The following CNBD1 variants were observed in gnomAD, a reference collection of about 807,000 sequenced individuals.
CNBD1 encodes cyclic nucleotide-binding domain-containing protein 1.
A neutral mutation model predicts 54.4 loss-of-function variants in CNBD1; 71 were observed. The ratio of observed to expected loss-of-function variants is 1.30; its 90% confidence interval spans 1.08 to 1.59. CNBD1 has a LOEUF of 1.59. Among genes scored for constraint, CNBD1 ranks in the 40% most tolerant of loss-of-function variants. CNBD1 has a pLI of 0.00. For missense variants in CNBD1, 659 were observed against 518.0 expected (o/e 1.27, Z -2.64); for synonymous variants, 182 against 170.7 (o/e 1.07, Z -0.51).
intron 4 of CNBD1, among the ~76,000 whole-genome samples, chr8:87,178,958 A>C (rs1813254785): frequency 6.6e-6 from 1 of 152,172 alleles, no homozygotes; most frequent in Admixed American, 6.5e-5. Context: ...CCCAGGCTGG[A>C]GTGCAATGAC....
At chr8:87,347,793 G>A (rs1226839564) in intron 8 of CNBD1, among the ~76,000 whole-genome samples, 2 of 152,088 alleles carry the variant, frequency 1.3e-5, no homozygotes, top group South Asian at 2.1e-4. Context: ...GGGGAGAAAG[G>A]GGTAAATGTG....
At chr8:87,316,634 A>G (rs970923799) in intron 8 of CNBD1, among the ~76,000 whole-genome samples, 5 of 151,910 alleles carry the variant, frequency 3.3e-5, no homozygotes, top group East Asian at 1.9e-4. Context: ...TTTTTTTGCA[A>G]TAGGAAACAA....
At chr8:87,392,015 T>G (rs1811319196) in intron 2 of CNBD1, among the ~76,000 whole-genome samples, 2 of 152,070 alleles carry the variant, frequency 1.3e-5, no homozygotes, top group Admixed American at 1.3e-4. Context: ...GGAATGGGCC[T>G]TTCTCTAAAG....
At chr8:87,059,894 G>T (rs1398445923) in intron 4 of CNBD1, among the ~76,000 whole-genome samples, 2 of 152,222 alleles carry the variant, frequency 1.3e-5, no homozygotes, top group Non-Finnish European at 2.9e-5. Context: ...GGTACCCCTT[G>T]TCCTGATCTC....
chr8:87,014,836 A>G (rs1809319570), intron 4 of CNBD1, among the ~76,000 whole-genome samples: 1 of 152,006 alleles, frequency 6.6e-6, no homozygotes, highest in South Asian at 2.1e-4. Context: ...AAGAAAGTTA[A>G]AGATGTAGAA....
intron 2 of CNBD1, among the ~76,000 whole-genome samples, chr8:87,424,098 T>A (rs969014880): frequency 6.6e-6 from 1 of 152,216 alleles, no homozygotes; most frequent in Non-Finnish European, 1.5e-5. Context: ...TGGTAGTTTG[T>A]ATTTCTGTGG....
chr8:87,247,374 C>T (rs1327047230), intron 6 of CNBD1, among the ~76,000 whole-genome samples: 9 of 152,150 alleles, frequency 5.9e-5, no homozygotes, highest in African/African-American at 1.4e-4. Context: ...CTGAGTAAGA[C>T]GGCCCTGGCT....
chr8:87,100,604 T>C (rs527950582), intron 4 of CNBD1, among the ~76,000 whole-genome samples: 1 of 152,162 alleles, frequency 6.6e-6, no homozygotes, highest in South Asian at 2.1e-4. Flanking sequence ...GCCTTCTGAG[T>C]AGCTGGGGTT....
At chr8:87,375,120 T>C (rs1056471789) in intron 10 of CNBD1, among the ~76,000 whole-genome samples, 5 of 151,954 alleles carry the variant, frequency 3.3e-5, no homozygotes, top group African/African-American at 1.2e-4. Flanking sequence ...AAAGAAGATA[T>C]ACACTATTGC....
intron 2 of CNBD1, among the ~76,000 whole-genome samples, chr8:87,392,218 G>T (rs921790787): frequency 3.3e-5 from 5 of 151,960 alleles, no homozygotes; most frequent in Admixed American, 3.3e-4. Context: ...ATGTGAAGGG[G>T]TACAGTCACT....
chr8:87,302,906 A>G (rs1454957556), intron 8 of CNBD1, among the ~76,000 whole-genome samples: 1 of 152,022 alleles, frequency 6.6e-6, no homozygotes, highest in Non-Finnish European at 1.5e-5. Flanking sequence ...AGAGAATAAA[A>G]TACCTAGGAA....
At chr8:87,069,386 A>G (rs1049733775) in intron 4 of CNBD1, among the ~76,000 whole-genome samples, 2 of 152,064 alleles carry the variant, frequency 1.3e-5, no homozygotes, top group African/African-American at 4.8e-5. Context: ...TTAACACTGT[A>G]TTTTTACTGT....
At chr8:87,406,641 A>G (rs1807658513) in intron 2 of CNBD1, among the ~76,000 whole-genome samples, 1 of 151,852 alleles carries the variant, frequency 6.6e-6, no homozygotes, top group African/African-American at 2.4e-5. Context: ...CACCACGCCC[A>G]TCTAATTTTT....
At chr8:87,385,245 C>G (rs1811158468), downstream of CNBD1, among the ~76,000 whole-genome samples, 1 of 152,136 alleles carries the variant, frequency 6.6e-6, no homozygotes, top group African/African-American at 2.4e-5. Flanking sequence ...CCGGGTTCAT[C>G]TCACTGGGGA....
intron 5 of CNBD1, among the ~76,000 whole-genome samples, chr8:87,221,528 G>A (rs994407367): frequency 2.0e-5 from 3 of 151,940 alleles, no homozygotes; most frequent in Non-Finnish European, 4.4e-5. Flanking sequence ...TACATTTCAA[G>A]ATCCATCATA....
intron 4 of CNBD1, among the ~76,000 whole-genome samples, chr8:87,057,861 A>T (rs965967462): frequency 1.3e-5 from 2 of 152,020 alleles, no homozygotes; most frequent in Non-Finnish European, 2.9e-5. Flanking sequence ...AAACAGATAA[A>T]CAAAGACACA....
At chr8:87,383,356 G>T (rs1029731707), downstream of CNBD1, among the ~76,000 whole-genome samples, 1 of 152,032 alleles carries the variant, frequency 6.6e-6, no homozygotes, top group Non-Finnish European at 1.5e-5. Context: ...TCCTTAGTAA[G>T]GGGGAAAACC....
intron 4 of CNBD1, among the ~76,000 whole-genome samples, chr8:87,144,757 C>G (rs6997002): frequency 0.55 from 81,871 of 150,026 alleles, 23,463 homozygotes; most frequent in African/African-American, 0.74. Flanking sequence ...GGAGGCAGAG[C>G]TTGCAGTGAG....
Position 87,351,734 on chromosome 8 carries a change from T to C in CNBD1, c.1092T>C (p.Ser364=). Residue 364 remains serine, a synonymous_variant, in exon 9 of 11, where the codon TCT becomes TCC. Transcript: ENST00000518476. ...NIISFVGYIN[S]GCCNIYRSII... is the part of the protein sequence containing the mutation. ...TTTCTTTTGTGGGTTATATTAACTCTGGATGCTGTAACATTTATAGAAGTA... is the reference window on the plus strand; with the variant it reads ...TTTCTTTTGTGGGTTATATTAACTCCGGATGCTGTAACATTTATAGAAGTA... The C allele has an allele frequency of 1.3e-6, 2 of 1,536,778 alleles. No individual in the cohort carries two copies. The highest frequency in any genetic ancestry group is 8.7e-7 in the Non-Finnish European group (1 of 1,146,638).
Sources: allele counts gnomAD v4.1 joint callset (sites outside exome capture counted in the v4.1 genomes callset), GRCh38; gene constraint gnomAD v4.1.1; transcripts MANE v1.5; gene names NCBI Gene and HGNC (gene_info 2026-07-23, HGNC 2026-07-21).